Variants in DSG4 observed in about 807,000 individuals in gnomAD.
DSG4 encodes the protein desmoglein-4.
Under a neutral mutation model 93.1 loss-of-function variants are expected in DSG4, and 87 were observed. The observed-to-expected ratio is 0.93, with a 90% CI of 0.79 to 1.12. DSG4 has a LOEUF of 1.12. Among genes scored for constraint, DSG4 ranks in the 50% most tolerant of loss-of-function variants. The pLI, the probability that DSG4 is intolerant of heterozygous loss-of-function variation, is 0.00. For missense variants in DSG4, 1,373 were observed against 1,285.7 expected (o/e 1.07, Z -1.04); for synonymous variants, 432 against 452.9 (o/e 0.95, Z 0.59).
chr18:31,380,367 G>A (rs186457325), intron 1 of DSG4, among the ~76,000 whole-genome samples: 9 of 152,256 alleles, frequency 5.9e-5, no homozygotes, highest in African/African-American at 1.9e-4. Flanking sequence ...TCCGTATAGA[G>A]CAATGAAACC....
chr18:31,390,529 T>C, intron 5 of DSG4, 127 bp from the exon 6 acceptor site: 1 of 1,086,646 alleles, frequency 9.2e-7, no homozygotes, highest in African/African-American at 1.6e-5. Context: ...TGGTACTATA[T>C]TCCCATGGAA....
rs2072258973 is a variant in DSG4, at chr18:31,392,281, A to G, written c.946A>G (p.Asn316Asp). The part of the protein sequence containing the change: ...QYLILSGNDG[N>D]WFDIQTDPQT... ...TTTAATTCTCTCTGGAAATGATGGG[A>G]ATTGGTTCGATATTCAAACAGATCC... is the stretch of plus-strand genomic sequence containing the variant. The change falls in exon 8 of 16, where the codon AAT (asparagine) becomes GAT (aspartate). Residue 316 changes from asparagine (N) to aspartate (D), a missense_variant. Coordinates refer to ENST00000308128, the MANE Select transcript of DSG4 (RefSeq NM_177986.5). 2.5e-6 allele frequency: 4 copies of G among 1,613,810 alleles called. No individual in the cohort carries two copies. The highest frequency in any genetic ancestry group is 3.4e-6 in the Non-Finnish European group (4 of 1,179,846).
Position 31,406,366 on chromosome 18 carries a change from A to C in DSG4, c.1926A>C (p.Leu642=). 6.2e-7 allele frequency: 1 copy of C among 1,614,154 alleles called. No individual in the cohort carries two copies. The highest frequency in any genetic ancestry group is 8.5e-7 in the Non-Finnish European group (1 of 1,180,024). Residue 642 remains leucine, a synonymous_variant, in exon 12 of 16, where the codon CTA becomes CTC. Coordinates refer to ENST00000308128, the MANE Select transcript of DSG4 (RefSeq NM_177986.5). The stretch of plus-strand genomic sequence containing the variant: ...GCATGATGGTTCTGGGCATCCTGCT[A>C]CTGATTTGTAAGTACTCAATTAAAT... ...GIGMMVLGIL[L]LILAPLLLLL...
rs538540901 is a variant in DSG4, at chr18:31,411,782, G to A, written c.2355+334G>A. 7.3e-5 allele frequency among the ~76,000 whole-genome samples: 11 copies of A among 151,394 alleles called. No individual in the cohort carries two copies. In the South Asian group the frequency reaches 2.3e-3, roughly 32 times the overall value. ...AGCAAAGCAGGAAAATGCTCATCAA[G>A]GGGAAAAAAGGTGCATTTATGACCT... On this transcript the variant is annotated intron_variant, in intron 15 of 15. Coordinates refer to ENST00000308128, the MANE Select transcript of DSG4 (RefSeq NM_177986.5).
Position 31,399,361 on chromosome 18 carries a change from C to A in DSG4, c.1095C>A (p.Phe365Leu), listed in dbSNP as rs1275518353. 1.9e-6 allele frequency: 3 copies of A among 1,614,058 alleles called. No individual in the cohort carries two copies. The highest frequency in any genetic ancestry group is 2.5e-6 in the Non-Finnish European group (3 of 1,179,966). Reference sequence around the variant, plus strand: ...TTCACTACTCCGTTGCTTCTCAATTCCAAATGCACCCAACCCCTGTGAGAA... The same window carrying A: ...TTCACTACTCCGTTGCTTCTCAATTACAAATGCACCCAACCCCTGTGAGAA... Reference protein sequence around the residue: ...ADFHYSVASQFQMHPTPVRIQ... With the variant: ...ADFHYSVASQLQMHPTPVRIQ... The change falls in exon 9 of 16, where the codon TTC becomes TTA. Residue 365 changes from phenylalanine to leucine, a missense_variant. By Grantham distance (22) the Phe-to-Leu change is conservative (BLOSUM62 0). Coordinates refer to ENST00000308128, the MANE Select transcript of DSG4 (RefSeq NM_177986.5).
Position 31,413,571 on chromosome 18 carries a change from T to G in DSG4, c.3099T>G (p.Ser1033Arg). ...CTCGACACAGAGTAACACGATACAGTAACATACATTACACCCAACAGTAAG... is the reference window on the plus strand; with the variant it reads ...CTCGACACAGAGTAACACGATACAGGAACATACATTACACCCAACAGTAAG... ...MTSRHRVTRYSNIHYTQQ is the reference protein window; with the variant it reads ...MTSRHRVTRYRNIHYTQQ The change falls in exon 16 of 16, where the codon AGT (serine) becomes AGG (arginine). Residue 1033 changes from serine to arginine, a missense_variant. Coordinates refer to ENST00000308128, the MANE Select transcript of DSG4 (RefSeq NM_177986.5). 1 of 1,613,926 alleles carries G rather than the reference T, an allele frequency of 6.2e-7. No individual in the cohort carries two copies. The highest frequency in any genetic ancestry group is 1.3e-5 in the African/African-American group (1 of 75,040).
At chr18:31,389,296 A>G (rs2144175249) in intron 5 of DSG4, among the ~76,000 whole-genome samples, 1 of 152,296 alleles carries the variant, frequency 6.6e-6, no homozygotes, top group East Asian at 1.9e-4. Flanking sequence ...ATGAAGAACT[A>G]AATCCAAGCG....
intron 12 of DSG4, among the ~76,000 whole-genome samples, chr18:31,406,596 A>G (rs970674159): frequency 6.6e-6 from 1 of 152,162 alleles, no homozygotes; most frequent in Admixed American, 6.5e-5. Flanking sequence ...TGGGAAACAC[A>G]TGCAAATCAC....
At position 31,413,651 on chromosome 18, in the gene DSG4, A is replaced by G; in HGVS notation, c.*56A>G. The G allele has an allele frequency of 6.3e-7, 1 of 1,580,050 alleles. No homozygotes were observed. Among genetic ancestry groups the G allele is most frequent in the Non-Finnish European group, 8.6e-7 (1 of 1,158,746 alleles). ...CCTTGCACCTTGTAATCATCAATAC[A>G]TCCACCAAAAATATATAATGTACCA... On this transcript the variant is annotated 3_prime_UTR_variant, in exon 16 of 16. Transcript: ENST00000308128.
intron 9 of DSG4, 26 bp from the exon 10 acceptor site, chr18:31,400,855 T>C (rs977113771): frequency 1.9e-6 from 3 of 1,610,002 alleles, no homozygotes; most frequent in Non-Finnish European, 1.7e-6. Flanking sequence ...AAAAGCATGA[T>C]AACGAACTTT....
At chr18:31,408,505 A>C (rs12709651) in intron 12 of DSG4, among the ~76,000 whole-genome samples, 65,377 of 152,144 alleles carry the variant, frequency 0.43, 14,683 homozygotes, top group East Asian at 0.52. Flanking sequence ...ATAAGACTAA[A>C]GCTGATTTTG....
chr18:31,397,710 C>T (rs1328260483), intron 8 of DSG4, among the ~76,000 whole-genome samples: 3 of 151,948 alleles, frequency 2.0e-5, no homozygotes, highest in African/African-American at 7.2e-5. Flanking sequence ...ATAAGAAAAG[C>T]ACAAGAGATT....
chr18:31,384,671 G>A (rs3859361), intron 1 of DSG4, among the ~76,000 whole-genome samples: 94,832 of 152,014 alleles, frequency 0.62, 30,940 homozygotes, highest in East Asian at 0.84. Flanking sequence ...CTCCTCATAC[G>A]TTCCCTTACC....
chr18:31,385,315 C>A, intron 2 of DSG4, 144 bp downstream of exon 2: 1 of 624,076 alleles, frequency 1.6e-6, no homozygotes, highest in Non-Finnish European at 2.7e-6. Context: ...ACTGAAATAG[C>A]GATGGTAAAA....
intron 1 of DSG4, among the ~76,000 whole-genome samples, chr18:31,380,298 T>C (rs542794761): frequency 6.6e-6 from 1 of 152,206 alleles, no homozygotes; most frequent in Non-Finnish European, 1.5e-5. Flanking sequence ...GGACAGAGCT[T>C]CTGGATCCTG....
chr18:31,409,523 C>T lies in DSG4; in HGVS notation c.2005C>T (p.Pro669Ser), dbSNP rs149173154. Reference protein sequence around the residue: ...QPEGLGTRFAPVPEGGEGVMQ... With the variant: ...QPEGLGTRFASVPEGGEGVMQ... Reference sequence around the variant, plus strand: ...AGAAGGCCTGGGAACAAGATTTGCTCCTGTGCCTGAGGGCGGAGAAGGAGT... The same window carrying T: ...AGAAGGCCTGGGAACAAGATTTGCTTCTGTGCCTGAGGGCGGAGAAGGAGT... The change falls in exon 13 of 16, where the codon CCT (proline) becomes TCT (serine). Residue 669 changes from proline to serine, a missense_variant. Transcript: ENST00000308128. The T allele has an allele frequency of 1.6e-4, 265 of 1,614,086 alleles. No individual in the cohort carries two copies. The African/African-American group carries it at 2.9e-3, about 17-fold the overall frequency.
intron 4 of DSG4, 68 bp from the exon 5 acceptor site, chr18:31,388,806 T>C: frequency 6.2e-7 from 1 of 1,609,764 alleles, no homozygotes; most frequent in Non-Finnish European, 8.5e-7. Context: ...TATTTTCTGA[T>C]ATATTTTCAA....
intron 5 of DSG4, among the ~76,000 whole-genome samples, chr18:31,390,086 G>C (rs1213339139): frequency 6.6e-6 from 1 of 152,102 alleles, no homozygotes; most frequent in Non-Finnish European, 1.5e-5. Flanking sequence ...CTACCTATGA[G>C]TAATTAGGAA....
At chr18:31,409,373 G>C in intron 12 of DSG4, 79 bp from the exon 13 acceptor site, 1 of 1,603,570 alleles carries the variant, frequency 6.2e-7, no homozygotes, top group East Asian at 2.2e-5. Context: ...GCCACCAAAT[G>C]CTCCCCAGAA....
Sources: allele counts gnomAD v4.1 joint callset (sites outside exome capture counted in the v4.1 genomes callset), GRCh38; gene constraint gnomAD v4.1.1; transcripts MANE v1.5; gene names NCBI Gene and HGNC (gene_info 2026-07-23, HGNC 2026-07-21).